Variants in COLEC10 observed in about 807,000 individuals in gnomAD.
COLEC10 encodes collectin subfamily member 10, also known as collectin-10.
In COLEC10, 22 loss-of-function variants were observed where a neutral mutation model predicts 28.4. The observed-to-expected ratio is 0.78, with a 90% CI of 0.55 to 1.11. COLEC10 has a LOEUF of 1.11. COLEC10 is among the 50% of genes least tolerant of loss of function. COLEC10 has a pLI of 0.00. For missense variants in COLEC10, 361 were observed against 344.1 expected (o/e 1.05, Z -0.39); for synonymous variants, 125 against 116.1 (o/e 1.08, Z -0.49).
chr8:119,032,849 C>T (rs891784960), intron 2 of COLEC10, among the ~76,000 whole-genome samples: 8 of 152,230 alleles, frequency 5.3e-5, no homozygotes, highest in African/African-American at 1.9e-4. Context: ...TTGCAGTGAG[C>T]TGAGATCGCG....
upstream of COLEC10, among the ~76,000 whole-genome samples, chr8:119,065,173 A>T (rs1208087460): frequency 6.6e-6 from 1 of 152,144 alleles, no homozygotes; most frequent in African/African-American, 2.4e-5. Flanking sequence ...ACGAACTGGT[A>T]TCGGTTTGTG....
chr8:119,064,554 G>T (rs1181826163), upstream of COLEC10, among the ~76,000 whole-genome samples: 2 of 152,096 alleles, frequency 1.3e-5, no homozygotes, highest in Admixed American at 1.3e-4. Context: ...ATGCCTAGTG[G>T]CAATTGACAT....
intron 3 of COLEC10, among the ~76,000 whole-genome samples, chr8:119,097,551 G>C (rs573088009): frequency 6.6e-6 from 1 of 151,976 alleles, no homozygotes; most frequent in East Asian, 1.9e-4. Context: ...TATTTCTTAT[G>C]ATACATATTC....
rs534034112 is a variant in COLEC10 at position 119,020,309 on chromosome 8, A to G, written n.235+10756A>G. On this transcript the variant is annotated intron_variant and non_coding_transcript_variant, in intron 2 of 6. Transcript: ENST00000521788. ...CATCTATTCATTTAACCACCGTTAA[A>G]TAAATATTTATTTTGAGCCCAACTG... Among the ~76,000 whole-genome samples the G allele has an allele frequency of 7.9e-5, 12 of 152,312 alleles. No individual in the cohort carries two copies. The South Asian group carries it at 2.5e-3, about 32-fold the overall frequency.
chr8:119,039,277 TA>T (rs1814451222), intron 2 of COLEC10, among the ~76,000 whole-genome samples: 1 of 152,176 alleles, frequency 6.6e-6, no homozygotes, highest in African/African-American at 2.4e-5. Flanking sequence ...CAGTTTTCAA[TA>T]TGAAATAGCT....
At chr8:119,008,930 C>T (rs1231304641) in intron 1 of COLEC10, among the ~76,000 whole-genome samples, 3 of 150,996 alleles carry the variant, frequency 2.0e-5, no homozygotes, top group Non-Finnish European at 4.4e-5. Flanking sequence ...AATAGCAATT[C>T]CTTCTTTCTT....
chr8:119,090,941 G>A (rs948711781), intron 2 of COLEC10, among the ~76,000 whole-genome samples: 17 of 152,076 alleles, frequency 1.1e-4, no homozygotes, highest in East Asian at 1.9e-4. Flanking sequence ...CATCATGTCC[G>A]TAGTATATAT....
At chr8:119,036,154 C>A (rs1243926423) in intron 2 of COLEC10, among the ~76,000 whole-genome samples, 3 of 152,204 alleles carry the variant, frequency 2.0e-5, no homozygotes, top group Non-Finnish European at 4.4e-5. Context: ...TCTAGCATCT[C>A]TCCCCAAGAA....
At chr8:118,995,706 A>G (rs1478738021) in intron 1 of COLEC10, 1 of 152,128 alleles carries the variant, frequency 6.6e-6, no homozygotes, top group African/African-American at 2.4e-5. Context: ...AGAGTAACAC[A>G]AGGTATGAAT....
In COLEC10 at chr8:119,101,949, A is replaced by G. The variant is rs190862001; in HGVS notation, c.293-399A>G. ...TTTTAAAATTGAAAACATGCTGAGA[A>G]TTGTATTAGCCTTGTTCAGAAGGCC... On this transcript the variant is annotated intron_variant, in intron 3 of 5. Transcript: ENST00000332843. Among the ~76,000 whole-genome samples the G allele has an allele frequency of 8.3e-4, 127 of 152,152 alleles. 1 individual carries two copies. The Middle Eastern group carries it at 0.017, about 20-fold the overall frequency.
upstream of COLEC10, among the ~76,000 whole-genome samples, chr8:118,991,116 A>G (rs1813499703): frequency 6.6e-6 from 1 of 152,186 alleles, no homozygotes; most frequent in African/African-American, 2.4e-5. Context: ...ATCATATAAT[A>G]AATACACTAT....
chr8:119,004,442 T>C (rs1813752450), intron 1 of COLEC10, among the ~76,000 whole-genome samples: 1 of 151,776 alleles, frequency 6.6e-6, no homozygotes, highest in African/African-American at 2.4e-5. Flanking sequence ...GACGCCATTG[T>C]TTATTTTTCT....
chr8:119,035,174 A>G (rs1814365202), intron 2 of COLEC10, among the ~76,000 whole-genome samples: 1 of 152,236 alleles, frequency 6.6e-6, no homozygotes, highest in Non-Finnish European at 1.5e-5. Context: ...TTGTGCACTA[A>G]AAGTTTCTCT....
chr8:118,987,839 A>G, the COLEC10 span, among the ~76,000 whole-genome samples: 1 of 152,204 alleles, frequency 6.6e-6, no homozygotes, highest in Admixed American at 6.5e-5. Flanking sequence ...TATCAGGAGC[A>G]TGATAAGCAA....
the COLEC10 span, among the ~76,000 whole-genome samples, chr8:118,956,001 AT>A: frequency 1.3e-5 from 2 of 152,204 alleles, no homozygotes; most frequent in Non-Finnish European, 2.9e-5. Context: ...AGCAACAAAA[AT>A]TTATTTCTCA....
chr8:119,054,674 G>A (rs945911933), intron 2 of COLEC10, among the ~76,000 whole-genome samples: 2 of 151,996 alleles, frequency 1.3e-5, no homozygotes, highest in African/African-American at 2.4e-5. Context: ...CATTTTCTGT[G>A]ATGTATTCTG....
chr8:118,989,649 A>G, the COLEC10 span, among the ~76,000 whole-genome samples: 3 of 151,982 alleles, frequency 2.0e-5, no homozygotes, highest in South Asian at 2.1e-4. Flanking sequence ...AAATAAAATT[A>G]TAGTCTTGAA....
At chr8:119,021,627 T>C (rs1358813518) in intron 2 of COLEC10, among the ~76,000 whole-genome samples, 1 of 152,164 alleles carries the variant, frequency 6.6e-6, no homozygotes, top group African/African-American at 2.4e-5. Context: ...ACACCACTTT[T>C]TGCTCTTGGG....
At chr8:119,089,294 A>G (rs1815542098) in intron 1 of COLEC10, among the ~76,000 whole-genome samples, 1 of 152,082 alleles carries the variant, frequency 6.6e-6, no homozygotes, top group African/African-American at 2.4e-5. Context: ...TCAAGCATGC[A>G]GTCAGAGAGT....
Sources: allele counts gnomAD v4.1 joint callset (sites outside exome capture counted in the v4.1 genomes callset), GRCh38; gene constraint gnomAD v4.1.1; transcripts MANE v1.5; gene names NCBI Gene and HGNC (gene_info 2026-07-23, HGNC 2026-07-21).